Variants in MEAF6 observed in about 807,000 individuals in gnomAD.
MEAF6 encodes the protein MYST/Esa1 associated factor 6.
In MEAF6, 15 loss-of-function variants were observed where a neutral mutation model predicts 28.9. The ratio of observed to expected loss-of-function variants is 0.52; its 90% CI spans 0.35 to 0.80. The LOEUF is 0.80. Ranked by LOEUF, MEAF6 falls within the 30% of genes least tolerant of loss-of-function variation. The probability of loss-of-function intolerance (pLI) is 0.01; values close to 1 mark genes in which losing one functional copy is unlikely to be tolerated. For missense variants in MEAF6, 178 were observed against 237.5 expected, an observed-to-expected ratio of 0.75 and a Z score of 1.65; for synonymous variants, 97 against 88.7, an observed-to-expected ratio of 1.09 and a Z score of -0.53.
In MEAF6 at chr1:37,495,708, A is replaced by C. The variant is rs528187798; in HGVS notation, c.567+177T>G. On this transcript the variant is annotated intron_variant, in intron 6 of 6. Transcript: ENST00000296214. ...TCAAAAAAAAAAAACAAAAAACAAA[A>C]AAAAAAAAAAACAAAAAAACCACCT... is the stretch of plus-strand genomic sequence containing the variant. 1.7e-3 allele frequency among the ~76,000 whole-genome samples: 209 copies of C among 120,954 alleles called. 1 individual carries two copies. Among genetic ancestry groups the C allele is most frequent in the Middle Eastern group, 3.6e-3 (1 of 274 alleles). The allele number at this position is 120,954 out of a possible 152,430, so 79.4% of individuals were successfully genotyped here. A position where few individuals can be genotyped will look rare whatever the true frequency, so the allele number is the denominator to read the frequency against.
chr1:37,495,688 AAAAAAAAAC>A (rs773059523), intron 6 of MEAF6, among the ~76,000 whole-genome samples, 188 bp downstream of exon 6: 171 of 119,608 alleles, frequency 1.4e-3, no homozygotes, highest in Admixed American at 4.2e-3. Flanking sequence ...GTCTCTCAAA[AAAAAAAAAC>A]AAAAAACAAA....
chr1:37,496,229 G>A (rs1642126326), intron 5 of MEAF6, among the ~76,000 whole-genome samples: 1 of 152,086 alleles, frequency 6.6e-6, no homozygotes, highest in Non-Finnish European at 1.5e-5. Context: ...GAAGTAAGAG[G>A]GCATGCTCTA....
intron 5 of MEAF6, among the ~76,000 whole-genome samples, chr1:37,498,379 CAG>C (rs1304807656): frequency 2.7e-5 from 4 of 150,854 alleles, no homozygotes; most frequent in East Asian, 1.9e-4. Flanking sequence ...TTTATAGTAA[CAG>C]AAACTTATAA....
At chr1:37,494,708 G>A (rs1343831021) in intron 6 of MEAF6, among the ~76,000 whole-genome samples, 1 of 151,414 alleles carries the variant, frequency 6.6e-6, no homozygotes, top group Admixed American at 6.6e-5. Flanking sequence ...GCTCATGCCT[G>A]TGGTCTCAGC....
intron 5 of MEAF6, chr1:37,496,577 A>C: frequency 6.9e-7 from 1 of 1,441,978 alleles, no homozygotes; most frequent in Non-Finnish European, 9.1e-7. Flanking sequence ...TTTAAAAAAA[A>C]CTTCCCAGCC....
rs534470375 is a variant in MEAF6, at chr1:37,514,725, C to T, written c.22G>A (p.Ala8Thr). ...CGGGTGTCCGGGATCTGCGGCGGCG[C>T]CGCCTTGTTGTGCATCGCCATGTTG... Reference protein sequence around the residue: MAMHNKAAPPQIPDTRRE... With the variant: MAMHNKATPPQIPDTRRE... Residue 8 changes from alanine to threonine, a missense_variant, in exon 1 of 7, where the codon GCG becomes ACG. By Grantham distance (58) the Ala-to-Thr change is moderately conservative. Around this residue, in one of 2 missense-constraint regions of MEAF6, gnomAD observed 54 missense variants for 37.0 expected, o/e 1.46. Coordinates refer to ENST00000296214, the MANE Select transcript of MEAF6 (RefSeq NM_001270875.3). The T allele has an allele frequency of 3.6e-5, 55 of 1,533,322 alleles. No individual in the cohort carries two copies. The highest frequency in any genetic ancestry group is 4.7e-5 in the Non-Finnish European group (54 of 1,145,566). The allele number at this position is 1,533,322 out of a possible 1,614,324, so 95.0% of individuals were successfully genotyped here. A position where few individuals can be genotyped will look rare whatever the true frequency, so the allele number is the denominator to read the frequency against.
rs1241430257 is a variant in MEAF6 at position 37,490,533 on chromosome 1, A to T, written c.*3566T>A. Among the ~76,000 whole-genome samples the T allele has an allele frequency of 6.6e-6, 1 of 152,144 alleles. No homozygotes were observed. The highest frequency in any genetic ancestry group is 1.5e-5 in the Non-Finnish European group (1 of 68,024). ...ATAGTCCCCCTGTAGTCAAGGCTTC[A>T]GATGTCAATTTTCTGTTGGAGACAG... On this transcript the variant is annotated 3_prime_UTR_variant, in exon 7 of 7. Coordinates refer to ENST00000296214, the MANE Select transcript of MEAF6 (RefSeq NM_001270875.3).
intron 4 of MEAF6, among the ~76,000 whole-genome samples, chr1:37,503,037 G>T (rs922387532): frequency 3.3e-5 from 5 of 152,042 alleles, no homozygotes; most frequent in Non-Finnish European, 5.9e-5. Context: ...CAAACTCCTG[G>T]GTTCAAATTA....
Position 37,513,394 on chromosome 1 carries a change from T to C in MEAF6, c.206+29A>G, listed in dbSNP as rs1010418141. The C allele has an allele frequency of 1.3e-5, 20 of 1,569,434 alleles. No homozygotes were observed. The African/African-American group carries it at 2.0e-4, about 16-fold the overall frequency. ...AAAAACAAACGTTACTAGGGCACAA[T>C]AGGAACACTACAGGCTTTCGACACT... is the stretch of plus-strand genomic sequence containing the variant. On this transcript the variant is annotated intron_variant, in intron 2 of 6. Coordinates refer to ENST00000296214, the MANE Select transcript of MEAF6 (RefSeq NM_001270875.3).
intron 4 of MEAF6, among the ~76,000 whole-genome samples, chr1:37,504,800 T>C (rs138164719): frequency 0.014 from 1,912 of 135,152 alleles, 70 homozygotes; most frequent in Admixed American, 0.069. Context: ...AAAATTTATA[T>C]ACACACACAC....
Position 37,495,694 on chromosome 1 carries a change from AAAC to A in MEAF6, c.567+188_567+190del, listed in dbSNP as rs1254689239. 1.2e-4 allele frequency among the ~76,000 whole-genome samples: 13 copies of A among 110,540 alleles called. 1 individual carries two copies. Among genetic ancestry groups the A allele is most frequent in the South Asian group, 5.1e-4 (2 of 3,908 alleles). The allele number at this position is 110,540 out of a possible 152,430, so 72.5% of individuals were successfully genotyped here. ...CAAGAAACTGTCTCTCAAAAAAAAA[AAAC>A]AAAAAACAAAAAAAAAAAAAAACAA... On this transcript the variant is annotated intron_variant, in intron 6 of 6. Transcript: ENST00000296214.
chr1:37,496,675 A>G, intron 5 of MEAF6: 1 of 1,579,758 alleles, frequency 6.3e-7, no homozygotes, highest in Non-Finnish European at 8.7e-7. Context: ...CACACTAAAC[A>G]CAGCACAAAT....
intron 2 of MEAF6, among the ~76,000 whole-genome samples, chr1:37,512,993 C>A (rs1276109000): frequency 6.6e-6 from 1 of 151,902 alleles, no homozygotes; most frequent in Non-Finnish European, 1.5e-5. Context: ...AGTTCGAGAC[C>A]AGCCAGGCCA....
chr1:37,511,616 C>A (rs1238792977), intron 2 of MEAF6, among the ~76,000 whole-genome samples: 1 of 152,138 alleles, frequency 6.6e-6, no homozygotes, highest in Admixed American at 6.5e-5. Context: ...ACATTATGTG[C>A]CTCCTGATAA....
intron 2 of MEAF6, among the ~76,000 whole-genome samples, chr1:37,510,023 C>T (rs1642613940): frequency 6.6e-6 from 1 of 151,732 alleles, no homozygotes; most frequent in African/African-American, 2.4e-5. Flanking sequence ...GTGATCTACC[C>T]ACATCAGCCT....
At chr1:37,506,039 A>T (rs557547042) in intron 4 of MEAF6, among the ~76,000 whole-genome samples, 16 of 152,290 alleles carry the variant, frequency 1.1e-4, no homozygotes, top group African/African-American at 3.8e-4. Flanking sequence ...TTGGGAGGCC[A>T]AGGTGGGCGG....
chr1:37,497,712 C>T (rs2148064733), intron 5 of MEAF6, among the ~76,000 whole-genome samples: 1 of 152,258 alleles, frequency 6.6e-6, no homozygotes, highest in African/African-American at 2.4e-5. Context: ...CTGTCTCAGC[C>T]TCCCTAGCAG....
intron 6 of MEAF6, among the ~76,000 whole-genome samples, chr1:37,494,667 CA>C (rs1642055492): frequency 6.6e-6 from 1 of 151,516 alleles, no homozygotes; most frequent in African/African-American, 2.4e-5. Context: ...CATGTCTCTA[CA>C]AAAAACACAA....
chr1:37,498,405 ATTT>A (rs202195694), intron 5 of MEAF6, among the ~76,000 whole-genome samples: 275 of 125,496 alleles, frequency 2.2e-3, no homozygotes, highest in South Asian at 0.011. Flanking sequence ...TAGCTATGTT[ATTT>A]TTTATTATTA....
Sources: allele counts gnomAD v4.1 joint callset (sites outside exome capture counted in the v4.1 genomes callset), GRCh38; gene constraint gnomAD v4.1.1; regional missense constraint gnomAD v4.1.1; transcripts MANE v1.5; gene names NCBI Gene and HGNC (gene_info 2026-07-23, HGNC 2026-07-21).